The following ACO2 variants were observed in gnomAD, a reference collection of about 807,000 sequenced individuals.
The protein encoded by ACO2 is aconitate hydratase, mitochondrial.
A neutral mutation model predicts 84.5 loss-of-function variants in ACO2; 31 were observed. The observed-to-expected ratio is 0.37, with a 90% CI of 0.28 to 0.50. The LOEUF (loss-of-function observed/expected upper bound fraction) is 0.50. ACO2 is among the 20% of genes least tolerant of loss of function. The pLI, the probability that ACO2 is intolerant of heterozygous loss-of-function variation, is 0.97. For synonymous variants in ACO2, 414 were observed against 412.7 expected (o/e 1.00, Z -0.04); for missense variants, 685 against 1,029.3 (o/e 0.67, Z 4.58).
chr22:41,508,197 C>T, intron 3 of ACO2, 148 bp downstream of exon 3: 1 of 1,108,718 alleles, frequency 9.0e-7, no homozygotes, highest in Non-Finnish European at 1.3e-6. Context: ...TTACTTGTTT[C>T]TCTTTCTAAA....
At chr22:41,480,409 C>G (rs578206970) in intron 1 of ACO2, among the ~76,000 whole-genome samples, 8 of 152,222 alleles carry the variant, frequency 5.3e-5, no homozygotes, top group South Asian at 2.1e-4. Flanking sequence ...ATAGATGAGG[C>G]CTTTTCAGTT....
intron 2 of ACO2, among the ~76,000 whole-genome samples, chr22:41,506,180 T>G (rs1046595097): frequency 4.6e-5 from 7 of 152,000 alleles, no homozygotes; most frequent in Admixed American, 1.3e-4. Context: ...CTTGATCTCC[T>G]GGGCTTAAGT....
chr22:41,525,261 G>A lies in ACO2; in HGVS notation c.1674G>A (p.Val558=), dbSNP rs1601930356. 6.2e-7 allele frequency: 1 copy of A among 1,614,066 alleles called. No individual in the cohort carries two copies. The highest frequency in any genetic ancestry group is 8.5e-7 in the Non-Finnish European group (1 of 1,179,994). The change falls in exon 14 of 18, where the codon GTG becomes GTA. Residue 558 remains valine, a synonymous_variant. Transcript: ENST00000216254. ...PKDSSGQHVD[V]SPTSQRLQLL... ...ACAGCAGCGGGCAGCATGTGGACGTGAGCCCCACCAGCCAGCGCCTGCAGC... is the reference window on the plus strand; with the variant it reads ...ACAGCAGCGGGCAGCATGTGGACGTAAGCCCCACCAGCCAGCGCCTGCAGC...
chr22:41,526,246 C>A lies in ACO2; in HGVS notation c.1762-16C>A. 6.2e-7 allele frequency: 1 copy of A among 1,608,982 alleles called. No individual in the cohort carries two copies. The highest frequency in any genetic ancestry group is 8.5e-7 in the Non-Finnish European group (1 of 1,177,752). Reference sequence around the variant, plus strand: ...GGCCATGCCCTGACCTCTGTCCTCTCTACTTACCACCCAAGGTCAAAGGGA... The same window carrying A: ...GGCCATGCCCTGACCTCTGTCCTCTATACTTACCACCCAAGGTCAAAGGGA... On this transcript the variant is annotated splice_polypyrimidine_tract_variant and intron_variant, in intron 14 of 17. Coordinates refer to ENST00000216254, the MANE Select transcript of ACO2 (RefSeq NM_001098.3).
At chr22:41,471,591 A>G (rs1172648019) in intron 1 of ACO2, among the ~76,000 whole-genome samples, 2 of 152,144 alleles carry the variant, frequency 1.3e-5, no homozygotes, top group African/African-American at 2.4e-5. Context: ...TGGAGCTTCC[A>G]CTGTATTCTA....
chr22:41,519,749 C>T (rs542111837), intron 8 of ACO2, among the ~76,000 whole-genome samples: 31 of 150,664 alleles, frequency 2.1e-4, no homozygotes, highest in Non-Finnish European at 3.2e-4. Context: ...CGGAGGCTGC[C>T]GTGAGCCAAG....
chr22:41,526,600 G>C (rs1301402587), intron 15 of ACO2, 147 bp downstream of exon 15: 3 of 842,750 alleles, frequency 3.6e-6, no homozygotes, highest in Non-Finnish European at 5.2e-6. Flanking sequence ...GGAGAGGCCT[G>C]CAGCCCCTCC....
At chr22:41,477,259 T>C (rs1331450107) in intron 1 of ACO2, among the ~76,000 whole-genome samples, 1 of 151,632 alleles carries the variant, frequency 6.6e-6, no homozygotes, top group Non-Finnish European at 1.5e-5. Context: ...GTTCACGCCA[T>C]TCTCCTGCCT....
At chr22:41,474,552 C>A (rs1485581473) in intron 1 of ACO2, among the ~76,000 whole-genome samples, 1 of 148,400 alleles carries the variant, frequency 6.7e-6, no homozygotes, top group Non-Finnish European at 1.5e-5. Context: ...CTCTGCCTCC[C>A]AAAGTGCTGG....
Position 41,499,778 on chromosome 22 carries a change from C to T in ACO2, c.89C>T (p.Ala30Val), listed in dbSNP as rs2146106154. 6.2e-7 allele frequency: 1 copy of T among 1,613,952 alleles called. No individual in the cohort carries two copies. The highest frequency in any genetic ancestry group is 8.5e-7 in the Non-Finnish European group (1 of 1,180,020). Reference sequence around the variant, plus strand: ...GTGGCCTCAGTCCTGTGCCAACGGGCCAAGGTGGCGATGAGCCACTTTGAG... The same window carrying T: ...GTGGCCTCAGTCCTGTGCCAACGGGTCAAGGTGGCGATGAGCCACTTTGAG... ...YHVASVLCQRAKVAMSHFEPN... is the reference protein window; with the variant it reads ...YHVASVLCQRVKVAMSHFEPN... Residue 30 changes from alanine to valine, a missense_variant, in exon 2 of 18, where the codon GCC becomes GTC. Physicochemically the swap from Ala to Val is moderately conservative, Grantham distance 64. Coordinates refer to ENST00000216254, the MANE Select transcript of ACO2 (RefSeq NM_001098.3).
intron 1 of ACO2, among the ~76,000 whole-genome samples, chr22:41,484,106 G>A (rs562897509): frequency 6.6e-6 from 1 of 152,178 alleles, no homozygotes; most frequent in Non-Finnish European, 1.5e-5. Context: ...TGGGACTTGA[G>A]TCCTGGTTTC....
chr22:41,527,471 A>G, intron 16 of ACO2, 51 bp downstream of exon 16: 1 of 1,561,924 alleles, frequency 6.4e-7, no homozygotes, highest in South Asian at 1.2e-5. Flanking sequence ...CTAGTGATCA[A>G]GGTCACTCTC....
chr22:41,469,132 T>G lies in ACO2; in HGVS notation c.-15T>G, dbSNP rs543655899. The G allele has an allele frequency of 1.9e-6, 3 of 1,607,992 alleles. No homozygotes were observed. In the African/African-American group the frequency reaches 4.0e-5, roughly 22 times the overall value. On this transcript the variant is annotated 5_prime_UTR_variant, in exon 1 of 18. Transcript: ENST00000216254. ...ACGTCACTTTAATGCGACCTCATCT[T>G]TGTCAGTGCACAAAATGGCGCCCTA...
In ACO2 at chr22:41,527,919, A is replaced by G; in HGVS notation, c.2105A>G (p.Gln702Arg). The G allele has an allele frequency of 6.2e-7, 1 of 1,614,176 alleles. No homozygotes were observed. The highest frequency in any genetic ancestry group is 8.5e-7 in the Non-Finnish European group (1 of 1,180,022). The part of the protein sequence containing the change: ...ARIHETNLKK[Q>R]GLLPLTFADP... ...TTTCCAGAGACCAACCTGAAGAAAC[A>G]GGGCCTGCTGCCTCTGACCTTCGCT... Residue 702 changes from glutamine to arginine, a missense_variant, in exon 17 of 18, where the codon CAG becomes CGG. Gln to Arg is a conservative substitution (Grantham distance 43, BLOSUM62 1). Coordinates refer to ENST00000216254, the MANE Select transcript of ACO2 (RefSeq NM_001098.3).
intron 14 of ACO2, chr22:41,525,848 C>T: frequency 5.1e-6 from 1 of 197,438 alleles, no homozygotes; most frequent in Non-Finnish European, 1.0e-5. Flanking sequence ...TTTATTTATG[C>T]TGCTTATTAA....
chr22:41,469,194 C>G lies in ACO2; in HGVS notation c.36+12C>G, dbSNP rs926981339. 39 of 1,606,826 alleles carry G rather than the reference C, an allele frequency of 2.4e-5. No homozygotes were observed. In the East Asian group the frequency reaches 7.9e-4, roughly 33 times the overall value. ...TGACTCGGCTGCAGGTGAGCGAGCTCAGGGACCTCTGGGTTCACGGGGGCG... is the reference window on the plus strand; with the variant it reads ...TGACTCGGCTGCAGGTGAGCGAGCTGAGGGACCTCTGGGTTCACGGGGGCG... On this transcript the variant is annotated intron_variant, in intron 1 of 17. Transcript: ENST00000216254.
At chr22:41,491,959 G>A (rs1034690335) in intron 1 of ACO2, among the ~76,000 whole-genome samples, 2 of 152,172 alleles carry the variant, frequency 1.3e-5, no homozygotes, top group South Asian at 2.1e-4. Flanking sequence ...GGGACTGGCC[G>A]AGATTCTAGA....
At chr22:41,514,637 CTATACAGCACCCAAGGTGTTGAGCA>C (rs2066461643) in intron 4 of ACO2, among the ~76,000 whole-genome samples, 1 of 152,246 alleles carries the variant, frequency 6.6e-6, no homozygotes, top group South Asian at 2.1e-4. Context: ...GGTGTTGAGC[CTATACAGCACCCAAGGTGTTGAGCA>C]CTTGGGTGTT....
At chr22:41,477,479 C>T (rs1474331833) in intron 1 of ACO2, among the ~76,000 whole-genome samples, 1 of 152,000 alleles carries the variant, frequency 6.6e-6, no homozygotes, top group East Asian at 1.9e-4. Context: ...TATTCTGCAG[C>T]ACCTGGGCCA....
Sources: gnomAD v4.1 joint callset for allele counts (sites outside exome capture counted in the v4.1 genomes callset) on GRCh38, gnomAD v4.1.1 for gene constraint, MANE v1.5 for transcripts, NCBI Gene and HGNC (gene_info 2026-07-23, HGNC 2026-07-21) for gene names.